The following ANK3 variants were observed in gnomAD, a reference collection of about 807,000 sequenced individuals.
ANK3 encodes ankyrin-3.
A neutral mutation model predicts 370.9 loss-of-function variants in ANK3; 57 were observed. The ratio of observed to expected loss-of-function variants is 0.15; its 90% CI spans 0.12 to 0.19. The LOEUF (loss-of-function observed/expected upper bound fraction) is 0.19, where lower values mean the gene tolerates loss of function less well. Ranked by LOEUF, ANK3 falls within the 10% of genes least tolerant of loss-of-function variation. ANK3 has a pLI of 1.00. For missense variants in ANK3, 4,439 were observed against 5,302.1 expected, an observed-to-expected ratio of 0.84 and a Z score of 5.06; for synonymous variants, 1,929 against 1,946.3, an observed-to-expected ratio of 0.99 and a Z score of 0.23.
intron 2 of ANK3, among the ~76,000 whole-genome samples, chr10:60,572,144 A>G (rs2077615480): frequency 6.6e-6 from 1 of 152,244 alleles, no homozygotes; most frequent in Admixed American, 6.5e-5. Flanking sequence ...TGAAATTTAA[A>G]GGAGAAAAAA....
intron 1 of ANK3, among the ~76,000 whole-genome samples, chr10:60,715,614 G>A (rs1326073445): frequency 1.3e-5 from 2 of 152,104 alleles, no homozygotes; most frequent in Non-Finnish European, 2.9e-5. Context: ...AACTTCTGGA[G>A]ACTTTGTATT....
chr10:60,647,447 T>C lies in ANK3; in HGVS notation c.58-32223A>G, dbSNP rs370828616. Among the ~76,000 whole-genome samples, 25 of 152,330 alleles carry C rather than the reference T, an allele frequency of 1.6e-4. 1 individual carries two copies. The South Asian group carries it at 3.7e-3, about 23-fold the overall frequency. On this transcript the variant is annotated intron_variant, in intron 1 of 43. Coordinates refer to the ANK3 transcript ENST00000373827. Reference sequence around the variant, plus strand: ...GCTTGAATTTTCTTTGACAGGTTTTTTAGTCATATCACTGGACAACTTAAT... The same window carrying C: ...GCTTGAATTTTCTTTGACAGGTTTTCTAGTCATATCACTGGACAACTTAAT...
At chr10:60,660,193 T>A (rs2078917749) in intron 1 of ANK3, among the ~76,000 whole-genome samples, 2 of 152,176 alleles carry the variant, frequency 1.3e-5, no homozygotes. Flanking sequence ...CCTCTTTTAT[T>A]CAACGTCCTA....
In ANK3 at chr10:60,270,377, C is replaced by T. The variant is rs879581891; in HGVS notation, c.415-148G>A. On this transcript the variant is annotated intron_variant, in intron 4 of 43. Coordinates refer to ENST00000280772, the MANE Select transcript of ANK3 (RefSeq NM_020987.5). ...TAGATATAAATATTTATTAGAAAAC[C>T]CAAGCACCATGGCTTAAGCTAAATT... The T allele has an allele frequency of 2.2e-5, 10 of 448,936 alleles. No homozygotes were observed. The Admixed American group carries it at 4.2e-4, about 19-fold the overall frequency. 27.8% of individuals were successfully genotyped at this position (448,936 alleles called of 1,614,324 possible). A position where few individuals can be genotyped will look rare whatever the true frequency, so the allele number is the denominator to read the frequency against.
intron 1 of ANK3, among the ~76,000 whole-genome samples, chr10:60,658,621 T>G (rs2078897264): frequency 6.6e-6 from 1 of 152,196 alleles, no homozygotes; most frequent in Non-Finnish European, 1.5e-5. Flanking sequence ...TCTGGTGCTC[T>G]GCATTCTTTC....
intron 2 of ANK3, among the ~76,000 whole-genome samples, chr10:60,420,706 G>T (rs1184059625): frequency 6.6e-6 from 1 of 152,060 alleles, no homozygotes; most frequent in Non-Finnish European, 1.5e-5. Flanking sequence ...CACATAAGAT[G>T]CAGATTCTGA....
At chr10:60,330,419 C>A (rs2050949207) in intron 1 of ANK3, among the ~76,000 whole-genome samples, 1 of 152,102 alleles carries the variant, frequency 6.6e-6, no homozygotes, top group African/African-American at 2.4e-5. Context: ...CTACAAAGAA[C>A]TTAAACAAAC....
At position 60,340,435 on chromosome 10, in the gene ANK3, G is replaced by C. The variant is rs570144100; in HGVS notation, c.114+48990C>G. ...TTTTTCTTTCTTTCTTTCTGAGGCA[G>C]AGTCTCACTCTGTTGCCCAGGCTGG... On this transcript the variant is annotated intron_variant, in intron 1 of 43. Coordinates refer to ENST00000280772, the MANE Select transcript of ANK3 (RefSeq NM_020987.5). 1.9e-4 allele frequency among the ~76,000 whole-genome samples: 29 copies of C among 152,210 alleles called. 1 individual carries two copies. In the South Asian group the frequency reaches 5.6e-3, roughly 29 times the overall value.
chr10:60,287,593 C>A (rs1818867847), intron 1 of ANK3, among the ~76,000 whole-genome samples: 2 of 152,196 alleles, frequency 1.3e-5, no homozygotes, highest in South Asian at 4.1e-4. Context: ...ACTATACATG[C>A]ATTATCATTT....
intron 1 of ANK3, among the ~76,000 whole-genome samples, chr10:60,626,516 T>C (rs2078412400): frequency 1.3e-5 from 2 of 152,178 alleles, no homozygotes; most frequent in South Asian, 2.1e-4. Context: ...ATTAAAGAAA[T>C]AGCTAAATTT....
At chr10:60,561,323 T>A (rs2077329617) in intron 2 of ANK3, among the ~76,000 whole-genome samples, 1 of 152,250 alleles carries the variant, frequency 6.6e-6, no homozygotes, top group Non-Finnish European at 1.5e-5. Flanking sequence ...TTTAAGTTTC[T>A]GATGTACATA....
At chr10:60,052,190 G>T (rs1001411955) in intron 42 of ANK3, among the ~76,000 whole-genome samples, 4 of 152,058 alleles carry the variant, frequency 2.6e-5, no homozygotes, top group Admixed American at 2.0e-4. Flanking sequence ...GTGAAACCCT[G>T]TCTCTACTAA....
At chr10:60,676,860 T>C (rs1286308534) in intron 1 of ANK3, among the ~76,000 whole-genome samples, 2 of 152,174 alleles carry the variant, frequency 1.3e-5, no homozygotes, top group Non-Finnish European at 2.9e-5. Flanking sequence ...CAATAATTTA[T>C]TGTATATTTC....
intron 2 of ANK3, among the ~76,000 whole-genome samples, chr10:60,408,406 C>A (rs77724781): frequency 3.9e-5 from 6 of 152,154 alleles, no homozygotes; most frequent in Non-Finnish European, 7.4e-5. Context: ...TGTTTAAAAG[C>A]GTATGGCACC....
intron 8 of ANK3, among the ~76,000 whole-genome samples, chr10:60,230,413 C>A (rs941009152): frequency 3.9e-5 from 6 of 152,162 alleles, no homozygotes; most frequent in Non-Finnish European, 7.4e-5. Context: ...TGCATATAGA[C>A]CAGATTGACA....
At chr10:60,390,367 G>C (rs2062990435), upstream of ANK3, among the ~76,000 whole-genome samples, 1 of 152,134 alleles carries the variant, frequency 6.6e-6, no homozygotes, top group Non-Finnish European at 1.5e-5. Flanking sequence ...TTCATAGGAG[G>C]TTCCCCAGGA....
At chr10:60,674,938 A>G (rs80323212) in intron 1 of ANK3, among the ~76,000 whole-genome samples, 1 of 152,244 alleles carries the variant, frequency 6.6e-6, no homozygotes, top group Non-Finnish European at 1.5e-5. Context: ...GAACAAAAGC[A>G]TAAACCATAT....
chr10:60,456,541 C>T lies in ANK3; in HGVS notation c.96+158645G>A, dbSNP rs10159797. 9.7e-3 allele frequency among the ~76,000 whole-genome samples: 1,481 copies of T among 152,202 alleles called. 27 individuals carry two copies. Among genetic ancestry groups the T allele is most frequent in the African/African-American group, 0.033 (1,365 of 41,526 alleles). ...GCCTAACTGAACTAACCAGCAATGA[C>T]GCTATAATAACGAATGAGACTGCAA... On this transcript the variant is annotated intron_variant, in intron 2 of 43. Transcript: ENST00000373827.
At chr10:60,046,817 T>TTC (rs1310853157) in intron 42 of ANK3, among the ~76,000 whole-genome samples, 1 of 150,932 alleles carries the variant, frequency 6.6e-6, no homozygotes, top group African/African-American at 2.4e-5. Context: ...AATTTTTTTT[T>TTC]TTTTTTTGAG....
Sources: gnomAD v4.1 joint callset for allele counts (sites outside exome capture counted in the v4.1 genomes callset) on GRCh38, gnomAD v4.1.1 for gene constraint, MANE v1.5 for transcripts, NCBI Gene and HGNC (gene_info 2026-07-23, HGNC 2026-07-21) for gene names.